STK3: variants seen among roughly 807,000 people sequenced by gnomAD.
The protein encoded by STK3 is serine/threonine kinase 3.
A neutral mutation model predicts 58.0 loss-of-function variants in STK3; 41 were observed. That is an observed-to-expected ratio of 0.71 (90% confidence interval 0.55 to 0.92). STK3 has a LOEUF of 0.92. Among genes scored for constraint, STK3 ranks in the 40% least tolerant of loss-of-function variants. The pLI, the probability that STK3 is intolerant of heterozygous loss-of-function variation, is 0.00. For missense variants in STK3, 479 were observed against 602.7 expected (o/e 0.79, Z 2.15); for synonymous variants, 170 against 191.0 (o/e 0.89, Z 0.91).
chr8:98,913,571 G>A (rs931571628), intron 1 of STK3, among the ~76,000 whole-genome samples: 4 of 152,226 alleles, frequency 2.6e-5, no homozygotes, highest in African/African-American at 4.8e-5. Flanking sequence ...TTGGGACAAG[G>A]TGTCCACATG....
chr8:98,375,061 G>A (rs920247715), intron 2 of STK3, among the ~76,000 whole-genome samples: 35 of 148,128 alleles, frequency 2.4e-4, no homozygotes, highest in African/African-American at 8.7e-4. Flanking sequence ...GCAACATAGT[G>A]AGACCCTGTG....
At chr8:98,426,458 G>A (rs772747806) in intron 3 of STK3, among the ~76,000 whole-genome samples, 23 of 152,180 alleles carry the variant, frequency 1.5e-4, no homozygotes, top group Admixed American at 4.6e-4. Flanking sequence ...TGCCCACACA[G>A]AGCTCCCGAC....
At chr8:98,935,922 T>C (rs1404894579) in intron 1 of STK3, among the ~76,000 whole-genome samples, 1 of 149,702 alleles carries the variant, frequency 6.7e-6, no homozygotes, top group Non-Finnish European at 1.5e-5. Context: ...TTTTTATTTA[T>C]TTATTTTTTT....
chr8:98,375,364 T>A (rs1015759694), intron 2 of STK3, among the ~76,000 whole-genome samples: 1 of 151,624 alleles, frequency 6.6e-6, no homozygotes, highest in African/African-American at 2.4e-5. Flanking sequence ...AAGGAATAGA[T>A]AAAACTCTCT....
At chr8:98,633,366 A>G (rs1477311787) in intron 6 of STK3, among the ~76,000 whole-genome samples, 2 of 152,244 alleles carry the variant, frequency 1.3e-5, no homozygotes, top group African/African-American at 4.8e-5. Context: ...GTAAGACAGT[A>G]ATATGAGTTG....
At chr8:98,792,249 A>C (rs1445964569) in intron 1 of STK3, among the ~76,000 whole-genome samples, 1 of 152,254 alleles carries the variant, frequency 6.6e-6, no homozygotes, top group Non-Finnish European at 1.5e-5. Context: ...AATCAAAACC[A>C]AAATGCGATT....
intron 3 of STK3, among the ~76,000 whole-genome samples, chr8:98,836,620 C>T (rs1643761136): frequency 1.3e-5 from 2 of 152,176 alleles, no homozygotes; most frequent in Non-Finnish European, 2.9e-5. Context: ...TAAACTTTTC[C>T]TGTTCAAATA....
intron 10 of STK3, among the ~76,000 whole-genome samples, chr8:98,499,443 T>A (rs905511978): frequency 6.6e-6 from 1 of 152,160 alleles, no homozygotes; most frequent in African/African-American, 2.4e-5. Context: ...ACTATGAAAG[T>A]GGCTTTGGAC....
chr8:98,670,157 CCAAG>C (rs1822716311), intron 6 of STK3, among the ~76,000 whole-genome samples: 1 of 152,082 alleles, frequency 6.6e-6, no homozygotes, highest in Non-Finnish European at 1.5e-5. Context: ...TTGCTTGAGT[CCAAG>C]AGTTCGAGAC....
At chr8:98,773,043 A>T (rs1263980823) in intron 2 of STK3, among the ~76,000 whole-genome samples, 1 of 152,220 alleles carries the variant, frequency 6.6e-6, no homozygotes, top group African/African-American at 2.4e-5. Flanking sequence ...CATACACCAG[A>T]AAAGCAGGTC....
At chr8:98,676,555 G>T (rs908181475) in intron 6 of STK3, among the ~76,000 whole-genome samples, 2 of 151,638 alleles carry the variant, frequency 1.3e-5, no homozygotes, top group Non-Finnish European at 2.9e-5. Context: ...AGAGGTTGCA[G>T]TGAGCTAAGA....
At chr8:98,509,551 T>G (rs190198437) in intron 10 of STK3, among the ~76,000 whole-genome samples, 17 of 152,082 alleles carry the variant, frequency 1.1e-4, no homozygotes. Context: ...AATTTTTACT[T>G]GAAAGAATCC....
In STK3 at chr8:98,800,429, G is replaced by A. The variant is rs143192369; in HGVS notation, c.26+25086C>T. ...AGAGGGGGGATTGAGAGGTAACAACGTGCTAGCAGCCCTCACTCACTCTCA... is the reference window on the plus strand; with the variant it reads ...AGAGGGGGGATTGAGAGGTAACAACATGCTAGCAGCCCTCACTCACTCTCA... On this transcript the variant is annotated intron_variant, in intron 1 of 10. Coordinates refer to ENST00000419617, the MANE Select transcript of STK3 (RefSeq NM_006281.4). The surrounding 1 kb of genome is among the most constrained non-coding windows in gnomAD (Gnocchi z 4.8). Among the ~76,000 whole-genome samples the A allele has an allele frequency of 3.3e-3, 502 of 152,284 alleles. 1 individual carries two copies. The highest frequency in any genetic ancestry group is 0.011 in the African/African-American group (477 of 41,558).
intron 3 of STK3, among the ~76,000 whole-genome samples, chr8:98,867,467 C>T (rs577226039): frequency 1.4e-4 from 22 of 152,182 alleles, no homozygotes; most frequent in African/African-American, 4.1e-4. Context: ...GTTTATCTAA[C>T]TTGTCTAGGC....
intron 6 of STK3, among the ~76,000 whole-genome samples, chr8:98,639,985 C>T (rs1365487182): frequency 6.6e-6 from 1 of 152,100 alleles, no homozygotes; most frequent in Admixed American, 6.6e-5. Context: ...GTGGTGTATG[C>T]CTGCAATCCC....
chr8:98,566,852 A>C (rs1812520255), intron 8 of STK3, among the ~76,000 whole-genome samples: 1 of 152,210 alleles, frequency 6.6e-6, no homozygotes, highest in Admixed American at 6.5e-5. Flanking sequence ...GAAAAATTTC[A>C]CTGAAAACAA....
intron 3 of STK3, among the ~76,000 whole-genome samples, chr8:98,842,468 G>A (rs1302707642): frequency 6.6e-6 from 1 of 152,296 alleles, no homozygotes; most frequent in Non-Finnish European, 1.5e-5. Flanking sequence ...TAGAACTCAG[G>A]AGTCTGAAAA....
chr8:98,601,030 A>T (rs996835984), intron 6 of STK3, among the ~76,000 whole-genome samples: 49 of 151,548 alleles, frequency 3.2e-4, no homozygotes, highest in Non-Finnish European at 4.1e-4. Flanking sequence ...TGGTTTTTAA[A>T]TTTTTTTTTA....
chr8:98,909,649 T>C (rs1014290866), intron 1 of STK3, among the ~76,000 whole-genome samples: 1 of 152,224 alleles, frequency 6.6e-6, no homozygotes, highest in Non-Finnish European at 1.5e-5. Context: ...TGGCATGATA[T>C]GTTCAAGGGT....
Sources: allele counts gnomAD v4.1 joint callset (sites outside exome capture counted in the v4.1 genomes callset), GRCh38; gene constraint gnomAD v4.1.1; non-coding constraint Gnocchi (gnomAD v3.1); transcripts MANE v1.5; gene names NCBI Gene and HGNC (gene_info 2026-07-23, HGNC 2026-07-21).